The following PDS5B variants were observed in gnomAD, a reference collection of about 807,000 sequenced individuals.
PDS5B encodes the protein PDS5 cohesin associated factor B.
PDS5B carries 51 observed loss-of-function variants against 184.1 expected under a neutral mutation model. The observed-to-expected ratio is 0.28, with a 90% CI of 0.22 to 0.35. The LOEUF (loss-of-function observed/expected upper bound fraction) is 0.35, where lower values mean the gene tolerates loss of function less well. Among genes scored for constraint, PDS5B ranks in the 10% least tolerant of loss-of-function variants. The probability of loss-of-function intolerance (pLI) is 1.00; values close to 1 mark genes in which losing one functional copy is unlikely to be tolerated. For synonymous variants in PDS5B, 566 were observed against 569.2 expected (o/e 0.99, Z 0.08); for missense variants, 1,180 against 1,723.3 (o/e 0.68, Z 5.58).
chr13:32,619,727 G>T (rs1051448408), intron 1 of PDS5B, among the ~76,000 whole-genome samples: 1 of 152,144 alleles, frequency 6.6e-6, no homozygotes. Context: ...ATGGTTTGTT[G>T]TTGACTGAAA....
In PDS5B at chr13:32,709,976, C is replaced by T. The variant is rs200904367; in HGVS notation, c.1993C>T (p.His665Tyr). ...VLSFTHPISF[H>Y]SAETFESLLA... is the part of the protein sequence containing the mutation. ...CTCATTTACACATCCCATCTCATTT[C>T]ATTCTGCTGAAACATTTGAATCATT... The change falls in exon 19 of 35, where the codon CAT (histidine) becomes TAT (tyrosine). Residue 665 changes from histidine to tyrosine, a missense_variant. Around this residue, in one of 11 missense-constraint regions of PDS5B, gnomAD observed 475 missense variants for 691.5 expected, o/e 0.69. Transcript: ENST00000315596. 2 of 1,488,262 alleles carry T rather than the reference C, an allele frequency of 1.3e-6. No homozygotes were observed. The highest frequency in any genetic ancestry group is 2.7e-5 in the African/African-American group (2 of 73,008). 92.2% of individuals were successfully genotyped at this position (1,488,262 alleles called of 1,614,324 possible). A position where few individuals can be genotyped will look rare whatever the true frequency, so the allele number is the denominator to read the frequency against.
At chr13:32,720,329 T>C (rs1450677301) in intron 19 of PDS5B, among the ~76,000 whole-genome samples, 1 of 152,120 alleles carries the variant, frequency 6.6e-6, no homozygotes. Flanking sequence ...AATGATGCTA[T>C]GCTTCTAGGT....
At chr13:32,652,092 G>GA (rs1379950208) in intron 3 of PDS5B, 85 bp downstream of exon 3, 1 of 861,416 alleles carries the variant, frequency 1.2e-6, no homozygotes, top group East Asian at 2.6e-5. Context: ...GTATTTAGAT[G>GA]ATTTCCTTGG....
At chr13:32,761,326 G>A (rs972492497) in intron 30 of PDS5B, among the ~76,000 whole-genome samples, 1 of 152,074 alleles carries the variant, frequency 6.6e-6, no homozygotes, top group African/African-American at 2.4e-5. Flanking sequence ...TTTTTTAAAA[G>A]TGTGTTTTTG....
chr13:32,763,049 GT>G (rs2141020115), intron 30 of PDS5B, among the ~76,000 whole-genome samples: 1 of 152,050 alleles, frequency 6.6e-6, no homozygotes, highest in African/African-American at 2.4e-5. Flanking sequence ...AATCTGTTTT[GT>G]TATTTTTTTC....
Position 32,715,645 on chromosome 13 carries a change from ATCCCTC to A in PDS5B, c.2123+5550_2123+5555del, listed in dbSNP as rs370230716. 2.9e-3 allele frequency among the ~76,000 whole-genome samples: 373 copies of A among 129,326 alleles called. 2 individuals carry two copies. Among genetic ancestry groups the A allele is most frequent in the African/African-American group, 8.9e-3 (353 of 39,460 alleles). The allele number at this position is 129,326 out of a possible 152,430, so 84.8% of individuals were successfully genotyped here. On this transcript the variant is annotated intron_variant, in intron 19 of 34. Transcript: ENST00000315596. ...TGTAGCTCTCCCTCTCCCTCTCCCT[ATCCCTC>A]TCCCTCTCCCCACGGTCTCCCTCTC...
Position 32,678,940 on chromosome 13 carries a change from T to A in PDS5B, c.1057+11T>A. The A allele has an allele frequency of 1.5e-6, 2 of 1,356,346 alleles. No individual in the cohort carries two copies. Among genetic ancestry groups the A allele is most frequent in the East Asian group, 2.3e-5 (1 of 43,576 alleles). 84.0% of individuals were successfully genotyped at this position (1,356,346 alleles called of 1,614,324 possible). ...CAAAAGACTTAACAGGTACTATATA[T>A]ATGTAACAGCAAATATTCTTACGTG... On this transcript the variant is annotated intron_variant, in intron 10 of 34. Transcript: ENST00000315596.
intron 17 of PDS5B, among the ~76,000 whole-genome samples, chr13:32,702,422 C>T (rs1461650043): frequency 6.6e-6 from 1 of 152,164 alleles, no homozygotes; most frequent in Non-Finnish European, 1.5e-5. Flanking sequence ...AATCTCATGC[C>T]TTCTCTATTC....
chr13:32,714,382 T>G (rs1384667869), intron 19 of PDS5B, among the ~76,000 whole-genome samples: 1 of 152,006 alleles, frequency 6.6e-6, no homozygotes, highest in Non-Finnish European at 1.5e-5. Flanking sequence ...TAATGAAGTT[T>G]TGGGCACCAT....
intron 1 of PDS5B, among the ~76,000 whole-genome samples, chr13:32,592,324 G>A (rs2057789162): frequency 6.6e-6 from 1 of 151,140 alleles, no homozygotes; most frequent in African/African-American, 2.4e-5. Flanking sequence ...GTGTGATCTC[G>A]GCTCACTGCA....
intron 1 of PDS5B, among the ~76,000 whole-genome samples, chr13:32,639,200 T>A (rs1180799348): frequency 6.6e-6 from 1 of 152,218 alleles, no homozygotes; most frequent in Non-Finnish European, 1.5e-5. Flanking sequence ...CAGGTCGAGA[T>A]ATTCCAGGGC....
intron 1 of PDS5B, among the ~76,000 whole-genome samples, chr13:32,596,189 C>T (rs1417964210): frequency 6.6e-6 from 1 of 152,098 alleles, no homozygotes; most frequent in East Asian, 1.9e-4. Flanking sequence ...ATTTTTATTA[C>T]CCCACAACGT....
In PDS5B at chr13:32,777,193, C is replaced by G. The variant is rs547627562; in HGVS notation, c.*2141C>G. On this transcript the variant is annotated 3_prime_UTR_variant, in exon 35 of 35. Transcript: ENST00000315596. The stretch of plus-strand genomic sequence containing the variant: ...TTTTATTTGCATGATTATAGTTAAG[C>G]AAATTTCATTTCACATTTTTGTAAT... 3 of 152,042 alleles carry G rather than the reference C, an allele frequency of 2.0e-5. No individual in the cohort carries two copies. The South Asian group carries it at 6.2e-4, about 32-fold the overall frequency. 9.4% of individuals were successfully genotyped at this position (152,042 alleles called of 1,614,324 possible).
chr13:32,671,269 G>GT (rs1375656700), intron 7 of PDS5B, among the ~76,000 whole-genome samples: 4 of 152,000 alleles, frequency 2.6e-5, no homozygotes, highest in South Asian at 2.1e-4. Context: ...CAATACATGT[G>GT]TTTTTTTATG....
intron 10 of PDS5B, among the ~76,000 whole-genome samples, chr13:32,683,279 G>GTA (rs1951297068): frequency 6.6e-6 from 1 of 151,482 alleles, no homozygotes; most frequent in African/African-American, 2.4e-5. Flanking sequence ...AAAGTGCTGG[G>GTA]ATTACAGGTG....
In PDS5B at chr13:32,679,638, CAAAAA is replaced by C. The variant is rs781188988; in HGVS notation, c.1057+721_1057+725del. The stretch of plus-strand genomic sequence containing the variant: ...TCAACAAGAGCGAAACTCTTTATCT[CAAAAA>C]AAAAAAAAAAATAAATAAATAAATG... On this transcript the variant is annotated intron_variant, in intron 10 of 34. Transcript: ENST00000315596. Among the ~76,000 whole-genome samples the C allele has an allele frequency of 1.3e-4, 18 of 142,350 alleles. No individual in the cohort carries two copies. The South Asian group carries it at 3.6e-3, about 29-fold the overall frequency. 93.4% of individuals were successfully genotyped at this position (142,350 alleles called of 152,430 possible). A position where few individuals can be genotyped will look rare whatever the true frequency, so the allele number is the denominator to read the frequency against.
chr13:32,722,964 T>C (rs1216239064), intron 19 of PDS5B, among the ~76,000 whole-genome samples: 4 of 152,228 alleles, frequency 2.6e-5, no homozygotes, highest in Admixed American at 2.6e-4. Flanking sequence ...TCAGGATCTC[T>C]GAGCAGATTA....
intron 1 of PDS5B, among the ~76,000 whole-genome samples, chr13:32,603,946 A>G (rs912742775): frequency 6.6e-6 from 1 of 152,218 alleles, no homozygotes. Context: ...ACTTTGCTGA[A>G]GTTGCTTATC....
chr13:32,675,149 G>A (rs1211505523), intron 8 of PDS5B, among the ~76,000 whole-genome samples: 2 of 152,024 alleles, frequency 1.3e-5, no homozygotes, highest in African/African-American at 2.4e-5. Context: ...GAATATCAGT[G>A]CCTTTTGATA....
Sources: allele counts gnomAD v4.1 joint callset (sites outside exome capture counted in the v4.1 genomes callset), GRCh38; gene constraint gnomAD v4.1.1; regional missense constraint gnomAD v4.1.1; transcripts MANE v1.5; gene names NCBI Gene and HGNC (gene_info 2026-07-23, HGNC 2026-07-21).